Variants in PDSS2 observed in about 807,000 individuals in gnomAD.
The protein encoded by PDSS2 is decaprenyl diphosphate synthase subunit 2.
Under a neutral mutation model 44.5 loss-of-function variants are expected in PDSS2, and 31 were observed. The ratio of observed to expected loss-of-function variants is 0.70; its 90% confidence interval spans 0.52 to 0.94. The LOEUF is 0.94. PDSS2 is among the 40% of genes least tolerant of loss of function. The pLI is 0.00. For synonymous variants in PDSS2, 157 were observed against 180.3 expected, an observed-to-expected ratio of 0.87 and a Z score of 1.03; for missense variants, 452 against 482.2, an observed-to-expected ratio of 0.94 and a Z score of 0.59.
intron 1 of PDSS2, among the ~76,000 whole-genome samples, chr6:107,457,752 T>C (rs888710256): frequency 2.6e-5 from 4 of 152,204 alleles, no homozygotes; most frequent in Non-Finnish European, 5.9e-5. Flanking sequence ...CTGAATCCTG[T>C]CCTGGAGGGT....
At chr6:107,432,717 C>A (rs548964217) in intron 1 of PDSS2, among the ~76,000 whole-genome samples, 22 of 152,246 alleles carry the variant, frequency 1.4e-4, no homozygotes, top group African/African-American at 3.4e-4. Context: ...AAGATTGTGT[C>A]ATTGCACTCC....
At chr6:107,225,474 A>G (rs1032689142) in intron 4 of PDSS2, among the ~76,000 whole-genome samples, 1 of 151,644 alleles carries the variant, frequency 6.6e-6, no homozygotes, top group Admixed American at 6.6e-5. Flanking sequence ...TTTATAACCT[A>G]ATCTTGGAAG....
intron 1 of PDSS2, among the ~76,000 whole-genome samples, chr6:107,380,893 TAC>T (rs1380735548): frequency 2.6e-5 from 4 of 152,346 alleles, no homozygotes; most frequent in East Asian, 3.9e-4. Flanking sequence ...TCACAAAAGA[TAC>T]AGATTTACTT....
At chr6:107,245,453 A>C in intron 4 of PDSS2, 95 bp downstream of exon 4, 2 of 528,786 alleles carry the variant, frequency 3.8e-6, no homozygotes, top group East Asian at 4.1e-5. Context: ...AAAGCCATGT[A>C]CAATTTAAAC....
chr6:107,240,723 AT>A (rs561833944), intron 4 of PDSS2, among the ~76,000 whole-genome samples: 38 of 151,438 alleles, frequency 2.5e-4, no homozygotes, highest in South Asian at 2.1e-3. Flanking sequence ...AAAAATAAAA[AT>A]TTAAAAAAAA....
intron 1 of PDSS2, among the ~76,000 whole-genome samples, chr6:107,429,816 G>A (rs533800329): frequency 1.1e-4 from 16 of 145,046 alleles, no homozygotes; most frequent in African/African-American, 3.0e-4. Flanking sequence ...ATCGGGAGGC[G>A]GAGGTTGCAG....
At chr6:107,432,356 A>G (rs867698611) in intron 1 of PDSS2, among the ~76,000 whole-genome samples, 1 of 152,190 alleles carries the variant, frequency 6.6e-6, no homozygotes, top group African/African-American at 2.4e-5. Flanking sequence ...TCTATTTTTC[A>G]TTTTATTTTT....
intron 2 of PDSS2, among the ~76,000 whole-genome samples, chr6:107,325,669 TC>T (rs1777522473): frequency 6.6e-6 from 1 of 152,234 alleles, no homozygotes; most frequent in South Asian, 2.1e-4. Context: ...GCCCAGGGAC[TC>T]CAAAGCCCTC....
intron 3 of PDSS2, among the ~76,000 whole-genome samples, chr6:107,248,681 G>T (rs970578720): frequency 6.6e-6 from 1 of 152,180 alleles, no homozygotes; most frequent in African/African-American, 2.4e-5. Context: ...AATTGGAAAA[G>T]ATGATTCCTT....
At chr6:107,441,317 G>A (rs1481257917) in intron 1 of PDSS2, among the ~76,000 whole-genome samples, 1 of 152,168 alleles carries the variant, frequency 6.6e-6, no homozygotes, top group African/African-American at 2.4e-5. Context: ...AGTAAGAGAG[G>A]CTAAGAAATG....
intron 4 of PDSS2, among the ~76,000 whole-genome samples, chr6:107,238,942 T>C (rs556258604): frequency 2.0e-5 from 3 of 152,248 alleles, no homozygotes; most frequent in South Asian, 2.1e-4. Context: ...CAAAGTTATA[T>C]ACAGTAAGAT....
chr6:107,415,220 G>A (rs1780620346), intron 1 of PDSS2, among the ~76,000 whole-genome samples: 1 of 151,818 alleles, frequency 6.6e-6, no homozygotes, highest in Admixed American at 6.6e-5. Context: ...CACCTAAGCT[G>A]GTGTGCATGC....
chr6:107,242,322 G>C (rs1227336420), intron 4 of PDSS2, among the ~76,000 whole-genome samples: 1 of 152,082 alleles, frequency 6.6e-6, no homozygotes, highest in African/African-American at 2.4e-5. Flanking sequence ...GGAGTGCAGT[G>C]GCGCGATCTT....
At chr6:107,418,600 C>CG (rs1780735078) in intron 1 of PDSS2, among the ~76,000 whole-genome samples, 1 of 151,912 alleles carries the variant, frequency 6.6e-6, no homozygotes, top group South Asian at 2.1e-4. Context: ...GATGATACCC[C>CG]GCATCTGCCA....
intron 1 of PDSS2, among the ~76,000 whole-genome samples, chr6:107,343,905 C>G (rs1778157012): frequency 6.6e-6 from 1 of 152,102 alleles, no homozygotes; most frequent in African/African-American, 2.4e-5. Flanking sequence ...CAACAAATTT[C>G]TTGATTAAGG....
chr6:107,159,916 A>G (rs1771061047), intron 7 of PDSS2, among the ~76,000 whole-genome samples: 1 of 152,040 alleles, frequency 6.6e-6, no homozygotes, highest in African/African-American at 2.4e-5. Context: ...TTTGTGGATC[A>G]AGAGTTAATT....
At chr6:107,307,985 C>A (rs766429007) in intron 2 of PDSS2, among the ~76,000 whole-genome samples, 4 of 152,168 alleles carry the variant, frequency 2.6e-5, no homozygotes, top group Non-Finnish European at 1.5e-5. Context: ...GTAGAAGCCA[C>A]CAATTTCCCC....
chr6:107,455,754 C>CAAAAAAA (rs60783838), intron 1 of PDSS2, among the ~76,000 whole-genome samples: 4 of 55,682 alleles, frequency 7.2e-5, no homozygotes, highest in African/African-American at 2.4e-4. Context: ...GACTCTGTCT[C>CAAAAAAA]AAAAAAAAAA....
intron 1 of PDSS2, among the ~76,000 whole-genome samples, chr6:107,352,458 A>AATT (rs1394001346): frequency 6.6e-6 from 1 of 152,216 alleles, no homozygotes; most frequent in East Asian, 1.9e-4. Context: ...AGTACAACTT[A>AATT]ATTACCCCAT....
Sources: gnomAD v4.1 joint callset for allele counts (sites outside exome capture counted in the v4.1 genomes callset) on GRCh38, gnomAD v4.1.1 for gene constraint, MANE v1.5 for transcripts, NCBI Gene and HGNC (gene_info 2026-07-23, HGNC 2026-07-21) for gene names.